Variants in C8orf34 observed in about 807,000 individuals in gnomAD.
C8orf34 encodes the protein uncharacterized protein C8orf34.
In C8orf34, 65 loss-of-function variants were observed where a neutral mutation model predicts 68.3. The ratio of observed to expected loss-of-function variants is 0.95; its 90% confidence interval spans 0.78 to 1.17. The LOEUF (loss-of-function observed/expected upper bound fraction) is 1.17, where lower values mean the gene tolerates loss of function less well. Ranked by LOEUF, C8orf34 falls within the 50% of genes most tolerant of loss-of-function variation. The pLI is 0.00. For missense variants in C8orf34, 664 were observed against 655.4 expected, an observed-to-expected ratio of 1.01 and a Z score of -0.14; for synonymous variants, 244 against 241.2, an observed-to-expected ratio of 1.01 and a Z score of -0.11.
chr8:68,586,943 C>T (rs891333799), intron 7 of C8orf34, among the ~76,000 whole-genome samples: 1 of 152,210 alleles, frequency 6.6e-6, no homozygotes, highest in African/African-American at 2.4e-5. Context: ...TGGCTACTTC[C>T]ATGCTATGAC....
intron 7 of C8orf34, among the ~76,000 whole-genome samples, chr8:68,596,693 C>A (rs1345194541): frequency 1.3e-5 from 2 of 152,118 alleles, no homozygotes; most frequent in African/African-American, 2.4e-5. Context: ...GCCTAGGAAA[C>A]CTCAGTCTTT....
At chr8:68,635,235 A>G (rs1818801295) in intron 7 of C8orf34, among the ~76,000 whole-genome samples, 2 of 152,166 alleles carry the variant, frequency 1.3e-5, no homozygotes, top group African/African-American at 4.8e-5. Context: ...GATAATTGCC[A>G]TGGCACTCCA....
chr8:68,539,848 C>T (rs957081405), intron 7 of C8orf34, among the ~76,000 whole-genome samples: 9 of 149,834 alleles, frequency 6.0e-5, no homozygotes, highest in African/African-American at 4.9e-5. Context: ...AGTGAAACTC[C>T]GTCTAAAAAA....
At chr8:68,763,095 T>C (rs948181854) in intron 10 of C8orf34, among the ~76,000 whole-genome samples, 5 of 152,174 alleles carry the variant, frequency 3.3e-5, no homozygotes, top group Non-Finnish European at 7.3e-5. Flanking sequence ...TAAATTCTCC[T>C]TGGAGTAAGA....
At chr8:68,650,858 G>A (rs1019598172) in intron 8 of C8orf34, among the ~76,000 whole-genome samples, 2 of 152,114 alleles carry the variant, frequency 1.3e-5, no homozygotes, top group Admixed American at 6.5e-5. Context: ...TATACGTGGT[G>A]ACAAAAGGGA....
chr8:68,628,733 CT>C (rs1385039861), intron 7 of C8orf34, among the ~76,000 whole-genome samples: 1 of 152,122 alleles, frequency 6.6e-6, no homozygotes, highest in Non-Finnish European at 1.5e-5. Flanking sequence ...TAAAAAGTTC[CT>C]TGAAACAGAT....
intron 7 of C8orf34, among the ~76,000 whole-genome samples, chr8:68,579,605 A>T (rs1012069854): frequency 6.6e-6 from 1 of 152,104 alleles, no homozygotes; most frequent in Non-Finnish European, 1.5e-5. Context: ...AATGTTCCCT[A>T]CCTTCCTATT....
intron 1 of C8orf34, among the ~76,000 whole-genome samples, chr8:68,358,885 G>A (rs1312364460): frequency 6.6e-6 from 1 of 151,800 alleles, no homozygotes; most frequent in African/African-American, 2.4e-5. Flanking sequence ...TTTAGGAGAG[G>A]CACGGTTTCA....
intron 7 of C8orf34, chr8:68,535,425 G>A: frequency 1.0e-6 from 1 of 981,860 alleles, no homozygotes. Flanking sequence ...TGTAAACCTT[G>A]TGAAGTGATA....
chr8:68,457,264 A>G (rs1811593664), intron 3 of C8orf34, among the ~76,000 whole-genome samples: 1 of 152,176 alleles, frequency 6.6e-6, no homozygotes, highest in Non-Finnish European at 1.5e-5. Flanking sequence ...AACTACATAA[A>G]TATAAAAAAA....
chr8:68,568,752 G>T (rs943304061), intron 7 of C8orf34, among the ~76,000 whole-genome samples: 17 of 152,106 alleles, frequency 1.1e-4, no homozygotes, highest in Admixed American at 2.0e-4. Flanking sequence ...TCTTAAAATA[G>T]AAATCGATAA....
intron 5 of C8orf34, among the ~76,000 whole-genome samples, chr8:68,499,316 C>T (rs1048892772): frequency 3.3e-5 from 5 of 152,118 alleles, no homozygotes; most frequent in African/African-American, 1.2e-4. Flanking sequence ...ATCAAAGATA[C>T]ATTCAAATAA....
rs183194422 is a variant in C8orf34 at position 68,503,946 on chromosome 8, T to C, written c.765+15895T>C. 4.6e-5 allele frequency among the ~76,000 whole-genome samples: 7 copies of C among 152,288 alleles called. No homozygotes were observed. In the East Asian group the frequency reaches 1.4e-3, roughly 29 times the overall value. ...TTATTGAAATATAATTCACATATCA[T>C]AAAATACATCCTTTTAAAGTATATG... On this transcript the variant is annotated intron_variant, in intron 5 of 13. Coordinates refer to ENST00000518698, the MANE Select transcript of C8orf34 (RefSeq NM_052958.4).
intron 5 of C8orf34, among the ~76,000 whole-genome samples, chr8:68,507,672 C>A (rs1056771428): frequency 1.3e-5 from 2 of 152,178 alleles, no homozygotes; most frequent in African/African-American, 4.8e-5. Flanking sequence ...TGCCTTTGAG[C>A]AACTTCCTCA....
intron 10 of C8orf34, among the ~76,000 whole-genome samples, chr8:68,742,213 G>A (rs1822315827): frequency 6.6e-6 from 1 of 152,040 alleles, no homozygotes; most frequent in African/African-American, 2.4e-5. Context: ...GCCTTATCCG[G>A]CCAGTCCCTG....
chr8:68,774,776 G>A (rs370867886), intron 10 of C8orf34, among the ~76,000 whole-genome samples: 26 of 151,486 alleles, frequency 1.7e-4, no homozygotes, highest in African/African-American at 6.1e-4. Flanking sequence ...ATTTAATTTT[G>A]TATGTTTTAA....
At chr8:68,450,118 T>C (rs1327670981) in intron 3 of C8orf34, among the ~76,000 whole-genome samples, 1 of 152,138 alleles carries the variant, frequency 6.6e-6, no homozygotes, top group Non-Finnish European at 1.5e-5. Context: ...CTAGAGTAGA[T>C]TCTATTTGAA....
At chr8:68,656,912 A>C (rs572564496) in intron 8 of C8orf34, among the ~76,000 whole-genome samples, 5 of 152,226 alleles carry the variant, frequency 3.3e-5, no homozygotes, top group Non-Finnish European at 7.3e-5. Flanking sequence ...AGTCCTGAAA[A>C]GTTGAAATTC....
intron 9 of C8orf34, among the ~76,000 whole-genome samples, chr8:68,718,860 G>A (rs1821550077): frequency 6.6e-6 from 1 of 152,082 alleles, no homozygotes; most frequent in African/African-American, 2.4e-5. Flanking sequence ...TAGGTTTCTG[G>A]TAAAATTACT....
Sources: allele counts gnomAD v4.1 joint callset (sites outside exome capture counted in the v4.1 genomes callset), GRCh38; gene constraint gnomAD v4.1.1; transcripts MANE v1.5; gene names NCBI Gene and HGNC (gene_info 2026-07-23, HGNC 2026-07-21).